Variants in MAGI1 observed in about 807,000 individuals in gnomAD.
The protein encoded by MAGI1 is membrane-associated guanylate kinase, WW and PDZ domain-containing protein 1.
MAGI1 carries 58 observed loss-of-function variants against 139.9 expected under a neutral mutation model. The ratio of observed to expected loss-of-function variants is 0.41; its 90% CI spans 0.34 to 0.52. The LOEUF (loss-of-function observed/expected upper bound fraction) is 0.52. MAGI1 is among the 20% of genes least tolerant of loss of function. The pLI, the probability that MAGI1 is intolerant of heterozygous loss-of-function variation, is 0.12. For missense variants in MAGI1, 1,874 were observed against 1,901.6 expected (o/e 0.99, Z 0.27); for synonymous variants, 812 against 737.9 (o/e 1.10, Z -1.63).
chr3:66,020,450 G>A lies in MAGI1; in HGVS notation c.313+17546C>T, dbSNP rs144337228. 4.2e-3 allele frequency among the ~76,000 whole-genome samples: 633 copies of A among 152,232 alleles called. 2 individuals are homozygous for A. The highest frequency in any genetic ancestry group is 6.7e-3 in the Non-Finnish European group (454 of 68,028). On this transcript the variant is annotated intron_variant, in intron 1 of 22. Transcript: ENST00000402939. The stretch of plus-strand genomic sequence containing the variant: ...ATCTCAAAAAGAAGAGCCATTTTGA[G>A]GCTCAAGACAGGAGGAGGGTGAAAA...
At chr3:65,744,294 T>C (rs2035514351) in intron 1 of MAGI1, among the ~76,000 whole-genome samples, 1 of 152,196 alleles carries the variant, frequency 6.6e-6, no homozygotes, top group Non-Finnish European at 1.5e-5. Context: ...TCTCTCAAAA[T>C]ATATCACAGA....
At chr3:65,811,123 C>A (rs887866599) in intron 1 of MAGI1, among the ~76,000 whole-genome samples, 1 of 152,162 alleles carries the variant, frequency 6.6e-6, no homozygotes, top group South Asian at 2.1e-4. Context: ...AGTATGTATA[C>A]AGAAAAGCCA....
At chr3:65,414,930 G>A (rs1300811882) in intron 12 of MAGI1, among the ~76,000 whole-genome samples, 1 of 149,056 alleles carries the variant, frequency 6.7e-6, no homozygotes, top group African/African-American at 2.5e-5. Context: ...TCGGGAGGCT[G>A]AGGCAAGATA....
intron 1 of MAGI1, among the ~76,000 whole-genome samples, chr3:65,938,394 G>A (rs578137478): frequency 6.7e-6 from 1 of 149,184 alleles, no homozygotes; most frequent in Non-Finnish European, 1.5e-5. Flanking sequence ...ATAAATAAAG[G>A]TCTTTAAGGA....
At chr3:65,446,202 C>T (rs1221403807) in intron 7 of MAGI1, among the ~76,000 whole-genome samples, 1 of 152,116 alleles carries the variant, frequency 6.6e-6, no homozygotes, top group Non-Finnish European at 1.5e-5. Flanking sequence ...AACAACACTG[C>T]AAATAGCTAA....
At chr3:65,547,039 G>T (rs777245639) in intron 2 of MAGI1, among the ~76,000 whole-genome samples, 1 of 152,170 alleles carries the variant, frequency 6.6e-6, no homozygotes, top group Non-Finnish European at 1.5e-5. Flanking sequence ...TGCAGCTGAA[G>T]GAGTAATGCT....
chr3:65,589,734 G>T (rs1280950460), intron 2 of MAGI1, among the ~76,000 whole-genome samples: 2 of 151,858 alleles, frequency 1.3e-5, no homozygotes, highest in Non-Finnish European at 2.9e-5. Context: ...CAGATGACCA[G>T]GTTCCAGTAA....
chr3:65,735,567 T>G (rs992952548), intron 1 of MAGI1, among the ~76,000 whole-genome samples: 1 of 152,120 alleles, frequency 6.6e-6, no homozygotes, highest in East Asian at 1.9e-4. Flanking sequence ...AGCACTGAAT[T>G]TGGTATTCAC....
In MAGI1 at chr3:65,442,777, T is replaced by C. The variant is rs200454620; in HGVS notation, c.1136+15A>G. 633 of 1,603,602 alleles carry C rather than the reference T, an allele frequency of 3.9e-4. 1 individual carries two copies. Among genetic ancestry groups the C allele is most frequent in the Non-Finnish European group, 5.1e-4 (593 of 1,171,052 alleles). ...GAGGTATAAACTAATGTGTGGATTG[T>C]GAATGGGCACTTACTCTACATAGTA... On this transcript the variant is annotated intron_variant, in intron 8 of 22. Coordinates refer to ENST00000402939, the MANE Select transcript of MAGI1 (RefSeq NM_001033057.2).
chr3:65,447,285 C>T (rs944268554), intron 7 of MAGI1, among the ~76,000 whole-genome samples: 7 of 152,168 alleles, frequency 4.6e-5, no homozygotes, highest in Non-Finnish European at 8.8e-5. Flanking sequence ...AAGGACTGAA[C>T]GTAATAGCAA....
chr3:65,792,959 G>T (rs982073729), intron 1 of MAGI1, among the ~76,000 whole-genome samples: 2 of 152,118 alleles, frequency 1.3e-5, no homozygotes, highest in Non-Finnish European at 2.9e-5. Context: ...CTCTCTCAGG[G>T]AGTCTCATGC....
intron 17 of MAGI1, among the ~76,000 whole-genome samples, chr3:65,378,827 A>T (rs1942791443): frequency 6.6e-6 from 1 of 151,988 alleles, no homozygotes; most frequent in South Asian, 2.1e-4. Flanking sequence ...GATTACAGGC[A>T]TGCACTACCA....
chr3:65,359,301 C>T, intron 22 of MAGI1: 1 of 1,456,838 alleles, frequency 6.9e-7, no homozygotes, highest in Non-Finnish European at 9.0e-7. Flanking sequence ...GTTTATTTGT[C>T]CAGTCAGACA....
chr3:65,580,389 T>C (rs191160109), intron 2 of MAGI1, among the ~76,000 whole-genome samples: 384 of 152,168 alleles, frequency 2.5e-3, no homozygotes, highest in African/African-American at 7.9e-3. Context: ...TTCTCTCTTC[T>C]TCAATTCAAG....
intron 1 of MAGI1, among the ~76,000 whole-genome samples, chr3:65,944,024 T>G (rs559424813): frequency 7.2e-5 from 11 of 152,120 alleles, no homozygotes; most frequent in Non-Finnish European, 1.6e-4. Flanking sequence ...AAAGTTGAGT[T>G]CCAGGAAAAA....
intron 2 of MAGI1, among the ~76,000 whole-genome samples, chr3:65,542,028 T>C (rs929916259): frequency 6.6e-6 from 1 of 152,168 alleles, no homozygotes; most frequent in Admixed American, 6.5e-5. Flanking sequence ...AACCCCATCC[T>C]CTCAGCCCAA....
At chr3:65,639,447 A>T (rs981207467) in intron 1 of MAGI1, among the ~76,000 whole-genome samples, 1 of 152,170 alleles carries the variant, frequency 6.6e-6, no homozygotes, top group African/African-American at 2.4e-5. Flanking sequence ...TGGATTTGAG[A>T]CTTAAATCTG....
chr3:65,461,701 G>T (rs559551440), intron 5 of MAGI1, among the ~76,000 whole-genome samples: 1 of 151,886 alleles, frequency 6.6e-6, no homozygotes, highest in East Asian at 2.0e-4. Context: ...TATTAGCCAG[G>T]ATGGTCTCGA....
At chr3:65,622,148 T>A in intron 1 of MAGI1, 60 bp from the exon 2 acceptor site, 2 of 1,203,358 alleles carry the variant, frequency 1.7e-6, no homozygotes, top group Non-Finnish European at 2.5e-6. Flanking sequence ...AGAAAAGAAG[T>A]AGCCAAGAAC....
Sources: gnomAD v4.1 joint callset for allele counts (sites outside exome capture counted in the v4.1 genomes callset) on GRCh38, gnomAD v4.1.1 for gene constraint, MANE v1.5 for transcripts, NCBI Gene and HGNC (gene_info 2026-07-23, HGNC 2026-07-21) for gene names.